Variants in LPA observed in about 807,000 individuals in gnomAD.
LPA encodes apolipoprotein(a).
Under a neutral mutation model 197.9 loss-of-function variants are expected in LPA, and 199 were observed. That is an observed-to-expected ratio of 1.01 (90% CI 0.90 to 1.13). The LOEUF (loss-of-function observed/expected upper bound fraction) is 1.13, where lower values mean the gene tolerates loss of function less well. Ranked by LOEUF, LPA falls within the 50% of genes most tolerant of loss-of-function variation. The pLI is 0.00. For synonymous variants in LPA, 715 were observed against 639.5 expected (o/e 1.12, Z -1.78); for missense variants, 1,853 against 1,785.8 (o/e 1.04, Z -0.68).
chr6:160,551,355 T>G (rs1460256241), intron 30 of LPA, among the ~76,000 whole-genome samples: 1 of 152,216 alleles, frequency 6.6e-6, no homozygotes, highest in Non-Finnish European at 1.5e-5. Flanking sequence ...CCCCAAGAAA[T>G]GCCTATTCAA....
intron 38 of LPA, 134 bp from the exon 39 acceptor site, chr6:160,532,024 T>G: frequency 2.9e-6 from 3 of 1,021,024 alleles, no homozygotes; most frequent in Non-Finnish European, 4.6e-6. Flanking sequence ...AGCATATTAC[T>G]CAAGCATCTG....
chr6:160,587,580 G>A (rs1778934856), intron 24 of LPA, among the ~76,000 whole-genome samples: 1 of 152,070 alleles, frequency 6.6e-6, no homozygotes, highest in South Asian at 2.1e-4. Flanking sequence ...TCTTGACTAT[G>A]AGTTTCTTGT....
At chr6:160,598,939 A>T (rs1194132995) in intron 20 of LPA, among the ~76,000 whole-genome samples, 1 of 152,142 alleles carries the variant, frequency 6.6e-6, no homozygotes, top group Non-Finnish European at 1.5e-5. Flanking sequence ...GTAGAAGGAT[A>T]CTCTAACTCT....
At chr6:160,575,022 G>T (rs1471857060) in intron 28 of LPA, among the ~76,000 whole-genome samples, 1 of 152,128 alleles carries the variant, frequency 6.6e-6, no homozygotes, top group Non-Finnish European at 1.5e-5. Flanking sequence ...TCAGTCATTT[G>T]TGTAACTGTT....
Position 160,542,673 on chromosome 6 carries a change from T to C in LPA, c.5519+15A>G. 3.1e-6 allele frequency: 5 copies of C among 1,612,732 alleles called. No homozygotes were observed. Among genetic ancestry groups the C allele is most frequent in the Non-Finnish European group, 4.2e-6 (5 of 1,179,838 alleles). Reference sequence around the variant, plus strand: ...ATGGAAGGACAGTATAGATGGTTTCTGGGCCTGTTCTTACCTTGTTCTGAG... The same window carrying C: ...ATGGAAGGACAGTATAGATGGTTTCCGGGCCTGTTCTTACCTTGTTCTGAG... On this transcript the variant is annotated intron_variant, in intron 34 of 38. Coordinates refer to ENST00000316300, the MANE Select transcript of LPA (RefSeq NM_005577.4).
In LPA at chr6:160,599,619, GT is replaced by G. The variant is rs1212577183; in HGVS notation, c.3167del (p.Tyr1056SerfsTer26). ...TGCCTCGGTAACTCTGTCCATAATG[GT>G]AGTAGCAGTCCTGTACCCCGGGGGT... is the stretch of plus-strand genomic sequence containing the variant. ...EETPGVQDCY[Y>X]HYGQSYRGTY... On this transcript the variant is annotated frameshift_variant, in exon 20 of 39. Transcript: ENST00000316300. LOFTEE classifies it high-confidence loss of function. 5 of 1,613,962 alleles carry G rather than the reference GT, an allele frequency of 3.1e-6. No homozygotes were observed. Among genetic ancestry groups the G allele is most frequent in the Non-Finnish European group, 4.2e-6 (5 of 1,179,984 alleles).
At chr6:160,649,119 G>T (rs979744153) in intron 2 of LPA, among the ~76,000 whole-genome samples, 4 of 152,124 alleles carry the variant, frequency 2.6e-5, no homozygotes, top group African/African-American at 9.7e-5. Context: ...TTTTGCTATT[G>T]TTTGTGTGGA....
chr6:160,580,195 G>A (rs1778766020), intron 26 of LPA, among the ~76,000 whole-genome samples: 1 of 152,170 alleles, frequency 6.6e-6, no homozygotes, highest in South Asian at 2.1e-4. Flanking sequence ...TCATGCTTCT[G>A]AGACTATCAG....
chr6:160,555,506 C>CAT lies in LPA; in HGVS notation c.4973+517_4973+518dup, dbSNP rs1013887061. Among the ~76,000 whole-genome samples the CAT allele has an allele frequency of 4.2e-5, 6 of 141,358 alleles. No individual in the cohort carries two copies. In the East Asian group the frequency reaches 1.0e-3, roughly 24 times the overall value. The allele number at this position is 141,358 out of a possible 152,430, so 92.7% of individuals were successfully genotyped here. Reference sequence around the variant, plus strand: ...ATATATGAATACTAGTCTGTATGAACATATATATATGAACATATATATGAA... The same window carrying CAT: ...ATATATGAATACTAGTCTGTATGAACATATATATATATGAACATATATATGAA... On this transcript the variant is annotated intron_variant, in intron 30 of 38. Transcript: ENST00000316300.
At position 160,615,408 on chromosome 6, in the gene LPA, A is replaced by T. The variant is rs4708873; in HGVS notation, c.2261+1709T>A. 9.6e-5 allele frequency among the ~76,000 whole-genome samples: 10 copies of T among 104,682 alleles called. No homozygotes were observed. In the South Asian group the frequency reaches 1.5e-3, roughly 16 times the overall value. 68.7% of individuals were successfully genotyped at this position (104,682 alleles called of 152,430 possible). A position where few individuals can be genotyped will look rare whatever the true frequency, so the allele number is the denominator to read the frequency against. ...TGTAGCTCATTCTGTAGGTTCTCTA[A>T]AATTGTGTGTTGGGTAATGTTTTCC... is the stretch of plus-strand genomic sequence containing the variant. On this transcript the variant is annotated intron_variant, in intron 14 of 38. Coordinates refer to ENST00000316300, the MANE Select transcript of LPA (RefSeq NM_005577.4).
chr6:160,593,921 G>A (rs965614121), intron 22 of LPA, 37 bp downstream of exon 22: 1 of 1,610,890 alleles, frequency 6.2e-7, no homozygotes, highest in Admixed American at 1.7e-5. Context: ...ATGTAAGGGG[G>A]CTGCTGTCTG....
intron 28 of LPA, among the ~76,000 whole-genome samples, chr6:160,575,630 G>A (rs898775207): frequency 2.7e-4 from 41 of 152,186 alleles, no homozygotes; most frequent in Non-Finnish European, 5.0e-4. Flanking sequence ...TTTCCAAAGA[G>A]TGGCTTTTCT....
chr6:160,603,257 TGTGC>T (rs1235205901), intron 18 of LPA, among the ~76,000 whole-genome samples: 6 of 151,760 alleles, frequency 4.0e-5, no homozygotes, highest in Non-Finnish European at 7.4e-5. Flanking sequence ...TGTGTGTGTG[TGTGC>T]GTGCATGTTT....
chr6:160,532,894 G>A (rs953783789), intron 37 of LPA, among the ~76,000 whole-genome samples: 9 of 152,136 alleles, frequency 5.9e-5, no homozygotes, highest in Non-Finnish European at 1.3e-4. Flanking sequence ...GTTGGTTGTT[G>A]TTTGTGTACT....
rs150738957 is a variant in LPA, at chr6:160,595,412, A to G, written c.3411T>C (p.Ser1137=). The G allele has an allele frequency of 2.5e-6, 4 of 1,613,874 alleles. No individual in the cohort carries two copies. Among genetic ancestry groups the G allele is most frequent in the African/African-American group, 1.3e-5 (1 of 74,994 alleles). ...NLTQCLVTES[S]VLATLTVVPD... ...GGACCACCGTGAGAGTTGCAAGGACACTTGATTCTGTCACCAGGCATTGTG... is the reference window on the plus strand; with the variant it reads ...GGACCACCGTGAGAGTTGCAAGGACGCTTGATTCTGTCACCAGGCATTGTG... The change falls in exon 21 of 39, where the codon AGT becomes AGC. Residue 1137 remains serine (S), a synonymous_variant. Transcript: ENST00000316300.
At chr6:160,571,004 A>C (rs1778553110) in intron 28 of LPA, among the ~76,000 whole-genome samples, 1 of 152,192 alleles carries the variant, frequency 6.6e-6, no homozygotes, top group Non-Finnish European at 1.5e-5. Flanking sequence ...TTTCAGGTAC[A>C]CCAATCAAAC....
intron 23 of LPA, among the ~76,000 whole-genome samples, chr6:160,590,322 A>T (rs989897782): frequency 6.6e-6 from 1 of 152,166 alleles, no homozygotes; most frequent in African/African-American, 2.4e-5. Flanking sequence ...TCTTCTTCAC[A>T]AACAGCAACA....
At chr6:160,547,989 A>G (rs752793579) in intron 31 of LPA, 52 bp from the exon 32 acceptor site, 1 of 1,587,892 alleles carries the variant, frequency 6.3e-7, no homozygotes, top group Non-Finnish European at 8.6e-7. Flanking sequence ...CCAGGCAGCC[A>G]CATAGACCCA....
intron 32 of LPA, 57 bp from the exon 33 acceptor site, chr6:160,545,590 T>C (rs1778056082): frequency 1.0e-6 from 1 of 985,596 alleles, no homozygotes; most frequent in Non-Finnish European, 1.7e-6. Context: ...AGGGAGAAGA[T>C]ATTCTAAGGC....
Sources: gnomAD v4.1 joint callset for allele counts (sites outside exome capture counted in the v4.1 genomes callset) on GRCh38, gnomAD v4.1.1 for gene constraint, MANE v1.5 for transcripts, NCBI Gene and HGNC (gene_info 2026-07-23, HGNC 2026-07-21) for gene names.